Variants in SLC8A1 observed in about 807,000 individuals in gnomAD.
SLC8A1 encodes solute carrier family 8 member A1.
SLC8A1 carries 18 observed loss-of-function variants against 68.3 expected under a neutral mutation model. The observed-to-expected ratio is 0.26, with a 90% CI of 0.18 to 0.39. SLC8A1 has a LOEUF of 0.39. Among genes scored for constraint, SLC8A1 ranks in the 10% least tolerant of loss-of-function variants. SLC8A1 has a pLI of 1.00. For synonymous variants in SLC8A1, 475 were observed against 415.5 expected (o/e 1.14, Z -1.74); for missense variants, 985 against 1,156.7 (o/e 0.85, Z 2.15).
At chr2:40,429,039 C>T (rs1299036448) in exon 2 of SLC8A1, 2 of 1,612,624 alleles carry the variant, frequency 1.2e-6, no homozygotes, top group East Asian at 2.2e-5. Context: ...ACTGATATGT[C>T]CCTTGTTCAA....
intron 1 of SLC8A1, among the ~76,000 whole-genome samples, chr2:40,501,709 T>C (rs1191066706): frequency 6.6e-6 from 1 of 152,094 alleles, no homozygotes; most frequent in African/African-American, 2.4e-5. Flanking sequence ...TATTTTGGTT[T>C]GTGCTTCATC....
At chr2:40,287,582 A>ATGTGTGTGTGTGTGTGTGTGTCTGTG (rs2068526616) in intron 2 of SLC8A1, among the ~76,000 whole-genome samples, 1 of 127,480 alleles carries the variant, frequency 7.8e-6, no homozygotes, top group Non-Finnish European at 1.7e-5. Flanking sequence ...CAGAGGAATG[A>ATGTGTGTGTGTGTGTGTGTGTCTGTG]TGTGTGTGTG....
chr2:40,267,657 T>A (rs889553251), intron 2 of SLC8A1, among the ~76,000 whole-genome samples: 3 of 152,216 alleles, frequency 2.0e-5, no homozygotes, highest in African/African-American at 7.2e-5. Flanking sequence ...AATTATAGAT[T>A]CTGTCATTTA....
chr2:40,363,336 G>A (rs1038234968), intron 2 of SLC8A1, among the ~76,000 whole-genome samples: 1 of 134,560 alleles, frequency 7.4e-6, no homozygotes, highest in Non-Finnish European at 1.5e-5. Context: ...AACCACTGCA[G>A]GGATGATGAT....
At chr2:40,174,311 C>A (rs190928691) in intron 4 of SLC8A1, among the ~76,000 whole-genome samples, 157 of 152,142 alleles carry the variant, frequency 1.0e-3, no homozygotes, top group African/African-American at 3.5e-3. Context: ...TGTATTTTCT[C>A]AATATGGCAT....
rs1332690272 is a variant in SLC8A1, at chr2:40,401,587, A to G, written c.1808+26886T>C. 9.2e-3 allele frequency among the ~76,000 whole-genome samples: 1,158 copies of G among 125,476 alleles called. 11 individuals are homozygous for G. The highest frequency in any genetic ancestry group is 0.029 in the African/African-American group (979 of 33,272). The allele number at this position is 125,476 out of a possible 152,430, so 82.3% of individuals were successfully genotyped here. A position where few individuals can be genotyped will look rare whatever the true frequency, so the allele number is the denominator to read the frequency against. On this transcript the variant is annotated intron_variant, in intron 2 of 7. Coordinates refer to ENST00000406785, the Ensembl canonical transcript of SLC8A1. ...CCAGTCAAAAAAAAAAAAAAAAAAA[A>G]AAAGAAAGAAAAGAAAGCTTTGTGA...
In SLC8A1 at chr2:40,218,183, A is replaced by T. The variant is rs565176597; in HGVS notation, c.1809-40328T>A. Reference sequence around the variant, plus strand: ...ATGAATTAGATCTAAGTTACACTTTATCAGTATTTATTCTTCCTGCTACCT... The same window carrying T: ...ATGAATTAGATCTAAGTTACACTTTTTCAGTATTTATTCTTCCTGCTACCT... On this transcript the variant is annotated intron_variant, in intron 2 of 7. Transcript: ENST00000406785. Among the ~76,000 whole-genome samples, 8 of 152,332 alleles carry T rather than the reference A, an allele frequency of 5.3e-5. No homozygotes were observed. In the South Asian group the frequency reaches 1.2e-3, roughly 24 times the overall value.
chr2:40,197,331 G>A (rs1273655460), intron 2 of SLC8A1, among the ~76,000 whole-genome samples: 1 of 151,936 alleles, frequency 6.6e-6, no homozygotes, highest in African/African-American at 2.4e-5. Flanking sequence ...CTGGTGCCTC[G>A]GGATGGAGCT....
chr2:40,107,610 C>G (rs991306711), exon 8 of SLC8A1: 1 of 152,180 alleles, frequency 6.6e-6, no homozygotes, highest in African/African-American at 2.4e-5. Flanking sequence ...AAGCCCTTTT[C>G]AAACAGCTCT....
At chr2:40,307,446 C>G (rs781089951) in intron 2 of SLC8A1, among the ~76,000 whole-genome samples, 14 of 152,086 alleles carry the variant, frequency 9.2e-5, no homozygotes, top group Non-Finnish European at 1.8e-4. Context: ...CAAAAAAGTT[C>G]TGGAGATCTG....
chr2:40,224,297 A>T (rs2058704884), intron 2 of SLC8A1, among the ~76,000 whole-genome samples: 2 of 152,132 alleles, frequency 1.3e-5, no homozygotes, highest in African/African-American at 4.8e-5. Context: ...TTCAGGAGGC[A>T]GAGTCAGAGA....
At chr2:40,349,641 C>T (rs1670435306) in intron 2 of SLC8A1, among the ~76,000 whole-genome samples, 1 of 152,076 alleles carries the variant, frequency 6.6e-6, no homozygotes, top group African/African-American at 2.4e-5. Flanking sequence ...TAGCACAGTG[C>T]CTGGCATGTA....
intron 7 of SLC8A1, among the ~76,000 whole-genome samples, chr2:40,126,134 A>T (rs2038041832): frequency 6.6e-6 from 1 of 152,188 alleles, no homozygotes; most frequent in Non-Finnish European, 1.5e-5. Flanking sequence ...TCATGCTGCC[A>T]GTACATTTCC....
At chr2:40,264,503 T>C (rs960287621) in intron 2 of SLC8A1, among the ~76,000 whole-genome samples, 2 of 152,128 alleles carry the variant, frequency 1.3e-5, no homozygotes, top group African/African-American at 4.8e-5. Flanking sequence ...ATATACACCA[T>C]GGAATACTAT....
rs1014064443 is a variant in SLC8A1, at chr2:40,430,988, T to C, written c.-24-684A>G. On this transcript the variant is annotated intron_variant, in intron 1 of 7. Transcript: ENST00000406785. ...TCTTGAGGAGAAAAAAATTCTGCTA[T>C]AATGCAATATTTCCACACATTAAGT... 2.0e-5 allele frequency among the ~76,000 whole-genome samples: 3 copies of C among 152,198 alleles called. No homozygotes were observed. In the South Asian group the frequency reaches 6.2e-4, roughly 31 times the overall value.
chr2:40,203,070 C>T (rs1181271067), intron 2 of SLC8A1, among the ~76,000 whole-genome samples: 1 of 151,942 alleles, frequency 6.6e-6, no homozygotes, highest in Non-Finnish European at 1.5e-5. Context: ...GTTTTTAAGC[C>T]AATTGCTCAC....
At chr2:40,480,105 T>A (rs1704537314) in intron 1 of SLC8A1, among the ~76,000 whole-genome samples, 1 of 152,114 alleles carries the variant, frequency 6.6e-6, no homozygotes. Flanking sequence ...AGATACTGAT[T>A]TTTTCTGGTG....
intron 4 of SLC8A1, among the ~76,000 whole-genome samples, chr2:40,169,345 C>T (rs1435646068): frequency 6.6e-6 from 1 of 151,984 alleles, no homozygotes; most frequent in Non-Finnish European, 1.5e-5. Flanking sequence ...CCACTCAGAA[C>T]TATGCTGACA....
intron 1 of SLC8A1, among the ~76,000 whole-genome samples, chr2:40,489,339 G>A (rs746736662): frequency 4.6e-5 from 7 of 152,092 alleles, no homozygotes; most frequent in Non-Finnish European, 5.9e-5. Context: ...AAAAGCATAC[G>A]TGCAAACACA....
Sources: gnomAD v4.1 joint callset for allele counts (sites outside exome capture counted in the v4.1 genomes callset) on GRCh38, gnomAD v4.1.1 for gene constraint, MANE v1.5 for transcripts, NCBI Gene and HGNC (gene_info 2026-07-23, HGNC 2026-07-21) for gene names.